The following ENTREP2 variants were observed in gnomAD, a reference collection of about 807,000 sequenced individuals.
The protein encoded by ENTREP2 is protein ENTREP2.
chr15:29,481,469 A>G, the ENTREP2 span, among the ~76,000 whole-genome samples: 10 of 152,174 alleles, frequency 6.6e-5, 1 homozygote, highest in Admixed American at 5.9e-4. Context: ...TGCAGAAGAC[A>G]GACTGATTAT....
the ENTREP2 span, among the ~76,000 whole-genome samples, chr15:29,160,000 C>T: frequency 1.4e-4 from 21 of 152,350 alleles, no homozygotes; most frequent in Non-Finnish European, 2.2e-4. Flanking sequence ...AGGCTCGGGC[C>T]GCACAGGAGC....
the ENTREP2 span, among the ~76,000 whole-genome samples, chr15:29,380,203 A>C: frequency 6.6e-6 from 1 of 152,126 alleles, no homozygotes; most frequent in Admixed American, 6.5e-5. Context: ...GTTCTAAATA[A>C]AAATATTTTT....
the ENTREP2 span, chr15:29,124,632 C>G: frequency 6.8e-7 from 1 of 1,470,892 alleles, no homozygotes; most frequent in Admixed American, 2.0e-5. Flanking sequence ...CCACCAACAC[C>G]CGCCCCACCT....
chr15:29,405,131 G>A, the ENTREP2 span, among the ~76,000 whole-genome samples: 1 of 152,190 alleles, frequency 6.6e-6, no homozygotes, highest in Non-Finnish European at 1.5e-5. Flanking sequence ...GCTCACACCT[G>A]TAATCCCAGC....
the ENTREP2 span, among the ~76,000 whole-genome samples, chr15:29,214,347 T>C: frequency 6.6e-6 from 1 of 152,130 alleles, no homozygotes; most frequent in East Asian, 1.9e-4. Flanking sequence ...CACCATGCAA[T>C]ACTATGCAGC....
chr15:29,665,377 G>A, the ENTREP2 span, among the ~76,000 whole-genome samples: 2 of 152,228 alleles, frequency 1.3e-5, no homozygotes, highest in African/African-American at 4.8e-5. Context: ...TCTGGTGTCT[G>A]TTAACTAGCC....
At chr15:29,657,121 C>G in the ENTREP2 span, among the ~76,000 whole-genome samples, 1 of 152,148 alleles carries the variant, frequency 6.6e-6, no homozygotes, top group Admixed American at 6.5e-5. Flanking sequence ...GGTCTTGGCT[C>G]ACTGCAAGCT....
chr15:29,642,266 C>T, the ENTREP2 span, among the ~76,000 whole-genome samples: 6 of 151,808 alleles, frequency 4.0e-5, no homozygotes, highest in Non-Finnish European at 8.8e-5. Flanking sequence ...ATCAAGACAG[C>T]GTGGTATTGG....
chr15:29,269,894 T>C, the ENTREP2 span: 1 of 541,914 alleles, frequency 1.8e-6, no homozygotes, highest in Non-Finnish European at 3.1e-6. Context: ...CTGCGGCGGG[T>C]ACCAAAAGGA....
At chr15:29,590,033 C>T in the ENTREP2 span, among the ~76,000 whole-genome samples, 1 of 152,292 alleles carries the variant, frequency 6.6e-6, no homozygotes, top group Non-Finnish European at 1.5e-5. Flanking sequence ...AGTAATGGGT[C>T]ACATTATCAT....
At chr15:29,663,637 C>T in the ENTREP2 span, among the ~76,000 whole-genome samples, 1 of 152,102 alleles carries the variant, frequency 6.6e-6, no homozygotes, top group Non-Finnish European at 1.5e-5. Flanking sequence ...ACCGCATGTT[C>T]TCACTCATAG....
chr15:29,491,883 C>T, the ENTREP2 span, among the ~76,000 whole-genome samples: 1 of 152,192 alleles, frequency 6.6e-6, no homozygotes, highest in African/African-American at 2.4e-5. Context: ...TGACACTATA[C>T]ATATCAATCT....
chr15:29,403,209 A>G, the ENTREP2 span, among the ~76,000 whole-genome samples: 1 of 152,136 alleles, frequency 6.6e-6, no homozygotes, highest in Admixed American at 6.5e-5. Flanking sequence ...CTGCTCCTTG[A>G]TAGAGAATAA....
the ENTREP2 span, among the ~76,000 whole-genome samples, chr15:29,323,218 G>C: frequency 6.6e-6 from 1 of 152,192 alleles, no homozygotes; most frequent in East Asian, 1.9e-4. Context: ...ACAGAGGCAG[G>C]ATTAGAGGGT....
At chr15:29,382,581 G>C in the ENTREP2 span, among the ~76,000 whole-genome samples, 4 of 152,146 alleles carry the variant, frequency 2.6e-5, no homozygotes, top group African/African-American at 9.7e-5. Context: ...TCCTGCCCTT[G>C]ACCTTGCCTG....
At chr15:29,200,843 G>A in the ENTREP2 span, among the ~76,000 whole-genome samples, 2 of 152,136 alleles carry the variant, frequency 1.3e-5, no homozygotes, top group South Asian at 2.1e-4. Context: ...ATTGATTACA[G>A]GTGTGAGCCA....
At chr15:29,234,788 T>A in the ENTREP2 span, 14 of 1,485,576 alleles carry the variant, frequency 9.4e-6, no homozygotes, top group South Asian at 2.3e-5. Flanking sequence ...TATTACTCCA[T>A]CTCCAGAGCA....
the ENTREP2 span, among the ~76,000 whole-genome samples, chr15:29,608,597 C>T: frequency 1.3e-5 from 2 of 150,368 alleles, no homozygotes; most frequent in Non-Finnish European, 3.0e-5. Flanking sequence ...CTCTGTTACC[C>T]AGGCTGGAGT....
chr15:29,416,196 C>T, the ENTREP2 span, among the ~76,000 whole-genome samples: 1 of 152,122 alleles, frequency 6.6e-6, no homozygotes, highest in South Asian at 2.1e-4. Context: ...CAAGTCAATC[C>T]TAAGCCAAAA....
Sources: gnomAD v4.1 joint callset for allele counts (sites outside exome capture counted in the v4.1 genomes callset) on GRCh38, gnomAD v4.1.1 for gene constraint, MANE v1.5 for transcripts, NCBI Gene and HGNC (gene_info 2026-07-23, HGNC 2026-07-21) for gene names.